C2orf42: variants seen among roughly 807,000 people sequenced by gnomAD.
C2orf42 encodes chromosome 2 open reading frame 42.
Under a neutral mutation model 58.9 loss-of-function variants are expected in C2orf42, and 44 were observed. The observed-to-expected ratio is 0.75, with a 90% confidence interval of 0.59 to 0.96. C2orf42 has a LOEUF of 0.96. Ranked by LOEUF, C2orf42 falls within the 40% of genes least tolerant of loss-of-function variation. The pLI is 0.00. For missense variants in C2orf42, 630 were observed against 699.2 expected, an observed-to-expected ratio of 0.90 and a Z score of 1.12; for synonymous variants, 239 against 265.4, an observed-to-expected ratio of 0.90 and a Z score of 0.97.
rs74660649 is a variant in C2orf42 at position 70,165,200 on chromosome 2, G to A, written c.1253-8C>T. ...CATCTTTCCGAACAAAAGCTTCAAC[G>A]TGAAAAAAGGACAAAATTAGATTAC... On this transcript the variant is annotated splice_region_variant and splice_polypyrimidine_tract_variant and intron_variant, in intron 7 of 9. Transcript: ENST00000264434. The A allele has an allele frequency of 3.9e-6, 6 of 1,532,598 alleles. No homozygotes were observed. Among genetic ancestry groups the A allele is most frequent in the East Asian group, 2.3e-5 (1 of 44,418 alleles). 94.9% of individuals were successfully genotyped at this position (1,532,598 alleles called of 1,614,324 possible). A position where few individuals can be genotyped will look rare whatever the true frequency, so the allele number is the denominator to read the frequency against.
chr2:70,189,406 C>CAAAAAAAA lies in C2orf42; in HGVS notation c.-282+1559_-282+1566dup, dbSNP rs1182514916. Among the ~76,000 whole-genome samples, 93 of 27,136 alleles carry CAAAAAAAA rather than the reference C, an allele frequency of 3.4e-3. 7 individuals are homozygous for CAAAAAAAA. Among genetic ancestry groups the CAAAAAAAA allele is most frequent in the African/African-American group, 8.5e-3 (89 of 10,514 alleles). The allele number at this position is 27,136 out of a possible 152,430, so 17.8% of individuals were successfully genotyped here. Reference sequence around the variant, plus strand: ...GGGGAACAAGAGAGAAACTCCATCTCAAAAAAAAAAAAAAAAAAAAAAAAA... The same window carrying CAAAAAAAA: ...GGGGAACAAGAGAGAAACTCCATCTCAAAAAAAAAAAAAAAAAAAAAAAAAAAAAAAAA... On this transcript the variant is annotated intron_variant, in intron 1 of 9. Transcript: ENST00000264434.
intron 1 of C2orf42, among the ~76,000 whole-genome samples, chr2:70,185,755 A>C (rs1674889524): frequency 6.6e-6 from 1 of 151,262 alleles, no homozygotes; most frequent in Non-Finnish European, 1.5e-5. Flanking sequence ...AAACACACAC[A>C]CACATACATA....
intron 1 of C2orf42, among the ~76,000 whole-genome samples, chr2:70,184,831 C>A (rs1452571742): frequency 1.3e-5 from 2 of 151,734 alleles, no homozygotes; most frequent in Non-Finnish European, 2.9e-5. Context: ...TGGCTCATGC[C>A]TGTAATCCCA....
chr2:70,175,535 G>A, intron 5 of C2orf42, 138 bp downstream of exon 5: 1 of 696,404 alleles, frequency 1.4e-6, no homozygotes, highest in Non-Finnish European at 2.6e-6. Flanking sequence ...GGTGGGACAG[G>A]AGGGACCTCA....
chr2:70,154,808 C>T (rs1021705624), intron 9 of C2orf42, among the ~76,000 whole-genome samples: 6 of 151,950 alleles, frequency 3.9e-5, no homozygotes, highest in South Asian at 2.1e-4. Context: ...TAGGCTGGAG[C>T]GTAGTGACAC....
intron 9 of C2orf42, among the ~76,000 whole-genome samples, chr2:70,156,666 C>T (rs1428828239): frequency 6.6e-6 from 1 of 151,926 alleles, no homozygotes; most frequent in Non-Finnish European, 1.5e-5. Context: ...TCAAGACCAG[C>T]GTGGGCAACA....
At chr2:70,154,096 A>T (rs939090652) in intron 9 of C2orf42, among the ~76,000 whole-genome samples, 2 of 151,526 alleles carry the variant, frequency 1.3e-5, no homozygotes, top group African/African-American at 2.4e-5. Context: ...CAGAAATTTC[A>T]GGGAACTGTT....
intron 4 of C2orf42, among the ~76,000 whole-genome samples, chr2:70,176,517 T>A (rs1023349448): frequency 6.6e-6 from 1 of 151,562 alleles, no homozygotes; most frequent in Non-Finnish European, 1.5e-5. Flanking sequence ...AAAAAAAAAA[T>A]TATTTGTTAA....
In C2orf42 at chr2:70,150,183, T is replaced by C; in HGVS notation, c.*173A>G. 9.7e-6 allele frequency: 6 copies of C among 620,360 alleles called. No homozygotes were observed. In the South Asian group the frequency reaches 1.2e-4, roughly 12 times the overall value. The allele number at this position is 620,360 out of a possible 1,614,324, so 38.4% of individuals were successfully genotyped here. A position where few individuals can be genotyped will look rare whatever the true frequency, so the allele number is the denominator to read the frequency against. On this transcript the variant is annotated 3_prime_UTR_variant, in exon 10 of 10. Coordinates refer to ENST00000264434, the MANE Select transcript of C2orf42 (RefSeq NM_017880.3). ...GTACACAGCAGCATCAAAAAGGCTA[T>C]TTACAAGAGATTTTCTTCAACAGAA... is the stretch of plus-strand genomic sequence containing the variant.
At chr2:70,169,751 T>A (rs1673668171) in intron 5 of C2orf42, 90 bp from the exon 6 acceptor site, 2 of 679,108 alleles carry the variant, frequency 2.9e-6, no homozygotes, top group African/African-American at 1.8e-5. Context: ...AGTTAACAAG[T>A]TTTTTTATTT....
chr2:70,186,081 G>C (rs1674914555), intron 1 of C2orf42, among the ~76,000 whole-genome samples: 1 of 151,248 alleles, frequency 6.6e-6, no homozygotes, highest in Admixed American at 6.6e-5. Flanking sequence ...CTGATGTAGA[G>C]TCATTAGCCT....
At chr2:70,172,860 G>A (rs1170947666) in intron 5 of C2orf42, among the ~76,000 whole-genome samples, 2 of 151,944 alleles carry the variant, frequency 1.3e-5, no homozygotes, top group Non-Finnish European at 1.5e-5. Flanking sequence ...CAAAGGAAGT[G>A]ACAAAAAATT....
At chr2:70,157,165 C>G (rs190579097) in intron 9 of C2orf42, among the ~76,000 whole-genome samples, 1 of 152,172 alleles carries the variant, frequency 6.6e-6, no homozygotes, top group East Asian at 1.9e-4. Flanking sequence ...ACTTAAACAC[C>G]AAAATAAGGC....
intron 6 of C2orf42, among the ~76,000 whole-genome samples, chr2:70,166,963 G>T (rs17005386): frequency 0.17 from 25,282 of 152,086 alleles, 3,623 homozygotes; most frequent in African/African-American, 0.38. Context: ...AATGCTGAGG[G>T]ACTACAAGTT....
chr2:70,177,035 G>A (rs1187196018), intron 4 of C2orf42, among the ~76,000 whole-genome samples: 1 of 152,108 alleles, frequency 6.6e-6, no homozygotes, highest in African/African-American at 2.4e-5. Flanking sequence ...ACTTTGGGAG[G>A]CCGAGACGGG....
chr2:70,189,172 C>T (rs1340990765), intron 1 of C2orf42, among the ~76,000 whole-genome samples: 1 of 151,074 alleles, frequency 6.6e-6, no homozygotes, highest in Non-Finnish European at 1.5e-5. Flanking sequence ...CTTTGGGAGG[C>T]GAGGCAGGCG....
At chr2:70,174,632 C>G (rs926022203) in intron 5 of C2orf42, among the ~76,000 whole-genome samples, 5 of 152,018 alleles carry the variant, frequency 3.3e-5, no homozygotes, top group Non-Finnish European at 5.9e-5. Context: ...ACTCCCTGTG[C>G]TACTCTTTTA....
At chr2:70,188,290 C>A (rs1675090175) in intron 1 of C2orf42, among the ~76,000 whole-genome samples, 1 of 152,010 alleles carries the variant, frequency 6.6e-6, no homozygotes. Flanking sequence ...CGGGTTCAAG[C>A]AATTCTCCTG....
rs542298625 is a variant in C2orf42, at chr2:70,159,720, A to T, written c.1516+905T>A. On this transcript the variant is annotated intron_variant, in intron 9 of 9. Transcript: ENST00000264434. ...AGATTTTAATTTTTCTTCTTTTAGTAAAGTGGGGGTCTTGCTATATTGCCC... is the reference window on the plus strand; with the variant it reads ...AGATTTTAATTTTTCTTCTTTTAGTTAAGTGGGGGTCTTGCTATATTGCCC... Among the ~76,000 whole-genome samples, 4 of 152,182 alleles carry T rather than the reference A, an allele frequency of 2.6e-5. No homozygotes were observed. In the South Asian group the frequency reaches 8.3e-4, roughly 31 times the overall value.
Sources: allele counts gnomAD v4.1 joint callset (sites outside exome capture counted in the v4.1 genomes callset), GRCh38; gene constraint gnomAD v4.1.1; transcripts MANE v1.5; gene names NCBI Gene and HGNC (gene_info 2026-07-23, HGNC 2026-07-21).